Variants in DLC1 observed in about 807,000 individuals in gnomAD.
DLC1 encodes DLC1 Rho GTPase activating protein.
A neutral mutation model predicts 140.3 loss-of-function variants in DLC1; 54 were observed. The ratio of observed to expected loss-of-function variants is 0.38; its 90% CI spans 0.31 to 0.48. The LOEUF is 0.48. Ranked by LOEUF, DLC1 falls within the 20% of genes least tolerant of loss-of-function variation. The pLI is 0.96. For missense variants in DLC1, 2,536 were observed against 1,907.0 expected, an observed-to-expected ratio of 1.33 and a Z score of -6.14; for synonymous variants, 986 against 728.1, an observed-to-expected ratio of 1.35 and a Z score of -5.70.
chr8:13,528,405 T>C (rs1335784290), intron 1 of DLC1, among the ~76,000 whole-genome samples: 1 of 152,162 alleles, frequency 6.6e-6, no homozygotes, highest in Non-Finnish European at 1.5e-5. Flanking sequence ...AAGAAAAATA[T>C]GTTGGGCAGC....
At chr8:13,163,535 T>C (rs1776804773) in intron 5 of DLC1, among the ~76,000 whole-genome samples, 1 of 152,048 alleles carries the variant, frequency 6.6e-6, no homozygotes, top group Non-Finnish European at 1.5e-5. Context: ...TCACAGGCAC[T>C]TTTGTGTGTG....
intron 5 of DLC1, among the ~76,000 whole-genome samples, chr8:13,123,637 C>T (rs1044332694): frequency 1.3e-4 from 20 of 152,044 alleles, no homozygotes; most frequent in African/African-American, 1.7e-4. Context: ...TGGCGTGGGC[C>T]GTGGCACCTG....
chr8:13,396,942 C>T (rs191098495), intron 3 of DLC1, among the ~76,000 whole-genome samples: 82 of 152,064 alleles, frequency 5.4e-4, no homozygotes, highest in Non-Finnish European at 8.4e-4. Flanking sequence ...TGTTACCCGC[C>T]CCCCCCAACC....
At chr8:13,393,810 AG>A (rs1836885267) in intron 3 of DLC1, 117 bp from the exon 4 acceptor site, 3 of 1,225,412 alleles carry the variant, frequency 2.4e-6, no homozygotes, top group South Asian at 1.5e-5. Flanking sequence ...GATACACTAA[AG>A]AGTTGCTGAC....
intron 2 of DLC1, among the ~76,000 whole-genome samples, chr8:13,422,525 G>T (rs1838364450): frequency 6.6e-6 from 1 of 151,948 alleles, no homozygotes; most frequent in Admixed American, 6.6e-5. Flanking sequence ...ACATATCCTA[G>T]AAAACTCTGC....
chr8:13,091,608 C>T (rs536557009), intron 13 of DLC1, among the ~76,000 whole-genome samples, 176 bp from the exon 14 acceptor site: 1 of 152,012 alleles, frequency 6.6e-6, no homozygotes, highest in Non-Finnish European at 1.5e-5. Flanking sequence ...AGAGTTTTGT[C>T]AACAACACAC....
At chr8:13,304,580 C>G in intron 5 of DLC1, 1 of 731,046 alleles carries the variant, frequency 1.4e-6, no homozygotes, top group Non-Finnish European at 1.7e-6. Context: ...TTAAAAATCA[C>G]AAATGTCTAC....
chr8:13,520,452 A>G (rs1802729399), intron 1 of DLC1, among the ~76,000 whole-genome samples: 1 of 152,048 alleles, frequency 6.6e-6, no homozygotes, highest in Admixed American at 6.5e-5. Context: ...GGAGGGGAAC[A>G]TCACACACTG....
chr8:13,389,517 C>CT (rs1461803626), intron 4 of DLC1, among the ~76,000 whole-genome samples: 2 of 152,022 alleles, frequency 1.3e-5, no homozygotes, highest in Non-Finnish European at 2.9e-5. Context: ...TAAGCCTCTT[C>CT]TTTTTTCTAA....
At chr8:13,398,241 A>G (rs1474117643) in intron 3 of DLC1, among the ~76,000 whole-genome samples, 3 of 152,030 alleles carry the variant, frequency 2.0e-5, no homozygotes, top group Non-Finnish European at 4.4e-5. Context: ...GGGATGAGCT[A>G]GAGCAATTCC....
intron 2 of DLC1, among the ~76,000 whole-genome samples, chr8:13,483,436 C>T (rs1008328905): frequency 6.6e-6 from 1 of 152,100 alleles, no homozygotes; most frequent in Non-Finnish European, 1.5e-5. Flanking sequence ...TATGCTAGGG[C>T]ACGTACTTGC....
chr8:13,364,025 G>A (rs1011538058), intron 4 of DLC1, among the ~76,000 whole-genome samples: 2 of 152,144 alleles, frequency 1.3e-5, no homozygotes, highest in Non-Finnish European at 2.9e-5. Flanking sequence ...GGAGAGGTAG[G>A]GGTGTGTGTG....
At chr8:13,091,805 G>A (rs1329595849) in intron 13 of DLC1, among the ~76,000 whole-genome samples, 1 of 152,098 alleles carries the variant, frequency 6.6e-6, no homozygotes, top group African/African-American at 2.4e-5. Context: ...ATCTTTATCT[G>A]CCTGAATACA....
At chr8:13,410,857 G>T (rs1224759499) in intron 2 of DLC1, among the ~76,000 whole-genome samples, 1 of 152,148 alleles carries the variant, frequency 6.6e-6, no homozygotes, top group Non-Finnish European at 1.5e-5. Context: ...TGCAGCAGAG[G>T]CGCATAATCA....
chr8:13,219,999 G>A (rs1828463683), intron 5 of DLC1, among the ~76,000 whole-genome samples: 1 of 152,140 alleles, frequency 6.6e-6, no homozygotes, highest in Non-Finnish European at 1.5e-5. Context: ...AAGCAGATTA[G>A]TGGTTTCTAG....
At chr8:13,352,034 A>T (rs1467727701) in intron 4 of DLC1, among the ~76,000 whole-genome samples, 2 of 152,230 alleles carry the variant, frequency 1.3e-5, no homozygotes, top group Non-Finnish European at 2.9e-5. Context: ...GTGCCCAGCC[A>T]TATGTCTCTA....
chr8:13,576,828 C>T (rs1433578867), intron 1 of DLC1, among the ~76,000 whole-genome samples: 1 of 152,162 alleles, frequency 6.6e-6, no homozygotes, highest in Non-Finnish European at 1.5e-5. Context: ...TAGAGTTGTG[C>T]AAGTGCCCTA....
chr8:13,287,846 TATA>T (rs945318359), intron 5 of DLC1, among the ~76,000 whole-genome samples: 23 of 151,696 alleles, frequency 1.5e-4, no homozygotes, highest in Non-Finnish European at 3.4e-4. Flanking sequence ...AAGTGTAAAA[TATA>T]ATTATTATAA....
chr8:13,503,220 A>G (rs2117216825), intron 1 of DLC1, among the ~76,000 whole-genome samples: 1 of 152,148 alleles, frequency 6.6e-6, no homozygotes, highest in Admixed American at 6.5e-5. Context: ...CCTGGGTAAC[A>G]TAGAGAGATG....
Sources: gnomAD v4.1 joint callset for allele counts (sites outside exome capture counted in the v4.1 genomes callset) on GRCh38, gnomAD v4.1.1 for gene constraint, MANE v1.5 for transcripts, NCBI Gene and HGNC (gene_info 2026-07-23, HGNC 2026-07-21) for gene names.